The following CHM variants were observed in gnomAD, a reference collection of about 807,000 sequenced individuals.
CHM encodes rab proteins geranylgeranyltransferase component A 1.
Under a neutral mutation model 49.0 loss-of-function variants are expected in CHM, and 10 were observed. That is an observed-to-expected ratio of 0.20 (90% CI 0.13 to 0.35). The LOEUF is 0.35. Among genes scored for constraint, CHM ranks in the 10% least tolerant of loss-of-function variants. CHM has a pLI of 1.00. For missense variants in CHM, 455 were observed against 478.4 expected, an observed-to-expected ratio of 0.95 and a Z score of 0.46; for synonymous variants, 184 against 167.5, an observed-to-expected ratio of 1.10 and a Z score of -0.76.
rs1928314775 is a variant in CHM, at chrX:85,929,819, A to G, written c.1167-18481T>C. Among the ~76,000 whole-genome samples, 3 of 111,903 alleles carry G rather than the reference A, an allele frequency of 2.7e-5. No homozygotes were observed. The South Asian group carries it at 1.1e-3, about 42-fold the overall frequency. On this transcript the variant is annotated intron_variant, in intron 8 of 14. Coordinates refer to ENST00000357749, the MANE Select transcript of CHM (RefSeq NM_000390.4). ...GTCTTTGGTAAGAAATTCCATAACC[A>G]GGCCAGGTGTGGTGGCTCATGCCTG...
chrX:85,989,837 A>G (rs1181899395), intron 2 of CHM, among the ~76,000 whole-genome samples: 1 of 111,904 alleles, frequency 8.9e-6, no homozygotes, highest in African/African-American at 3.2e-5. Flanking sequence ...AAAAGTGAAA[A>G]AATAACAGAT....
intron 2 of CHM, among the ~76,000 whole-genome samples, chrX:86,020,887 GAT>G (rs1293516432): frequency 1.0e-5 from 1 of 99,004 alleles, no homozygotes; most frequent in South Asian, 4.4e-4. Flanking sequence ...ATATATATCT[GAT>G]ATATATGATA....
intron 4 of CHM, among the ~76,000 whole-genome samples, chrX:85,964,363 A>T (rs1930466866): frequency 1.8e-5 from 2 of 110,427 alleles, no homozygotes; most frequent in South Asian, 4.0e-4. Context: ...AGCTCTGCGA[A>T]CTTAGATACT....
chrX:85,935,855 G>A (rs113011188), intron 8 of CHM, among the ~76,000 whole-genome samples: 1,577 of 111,969 alleles, frequency 0.014, 37 homozygotes, highest in African/African-American at 0.049. Flanking sequence ...ATAAAAACGA[G>A]GAAGAGTAAA....
At chrX:85,979,778 T>C (rs193147053) in intron 3 of CHM, among the ~76,000 whole-genome samples, 88 of 112,197 alleles carry the variant, frequency 7.8e-4, no homozygotes, top group African/African-American at 2.4e-3. Context: ...ACTTTTAAAC[T>C]TACAAATGTC....
At chrX:85,913,778 G>A (rs1266968661) in intron 8 of CHM, among the ~76,000 whole-genome samples, 1 of 110,618 alleles carries the variant, frequency 9.0e-6, no homozygotes, top group Non-Finnish European at 1.9e-5. Flanking sequence ...ATGGAACCTT[G>A]AAAAAATGAT....
At chrX:85,949,978 A>AATATATATATATATAT (rs200318878) in intron 8 of CHM, among the ~76,000 whole-genome samples, 2,097 of 42,118 alleles carry the variant, frequency 0.05, 200 homozygotes, top group Non-Finnish European at 0.066. Context: ...ACTGAAATTA[A>AATATATATATATATAT]ATATATATAT....
intron 12 of CHM, among the ~76,000 whole-genome samples, chrX:85,881,388 A>G (rs1375268970): frequency 8.9e-6 from 1 of 112,645 alleles, no homozygotes; most frequent in Non-Finnish European, 1.9e-5. Context: ...GAGAATATCT[A>G]GAGTTGACTG....
intron 2 of CHM, among the ~76,000 whole-genome samples, chrX:86,004,501 G>A (rs1050712150): frequency 5.4e-5 from 6 of 111,650 alleles, no homozygotes; most frequent in Non-Finnish European, 9.4e-5. Flanking sequence ...TCAGTGTGCT[G>A]TATTCAGAAG....
At chrX:86,008,070 T>C (rs1280758522) in intron 2 of CHM, among the ~76,000 whole-genome samples, 2 of 111,872 alleles carry the variant, frequency 1.8e-5, no homozygotes, top group African/African-American at 6.5e-5. Flanking sequence ...TGGAATACTA[T>C]GCAGCCATAA....
intron 1 of CHM, among the ~76,000 whole-genome samples, chrX:86,030,226 T>A (rs1933986262): frequency 8.9e-6 from 1 of 112,623 alleles, no homozygotes; most frequent in Admixed American, 9.4e-5. Flanking sequence ...CCAAAATGAC[T>A]ATCATTTGTG....
chrX:86,037,338 A>C (rs1200624908), intron 1 of CHM, among the ~76,000 whole-genome samples: 1 of 109,918 alleles, frequency 9.1e-6, no homozygotes, highest in African/African-American at 3.3e-5. Flanking sequence ...GCTGGTCTTG[A>C]ACTCCTGACC....
chrX:85,951,307 T>C (rs1241105949), intron 8 of CHM, among the ~76,000 whole-genome samples: 1 of 110,585 alleles, frequency 9.0e-6, no homozygotes, highest in African/African-American at 3.3e-5. Context: ...TACAACTGAA[T>C]AAAAAAATCC....
rs183065657 is a variant in CHM at position 85,954,073 on chromosome X, C to A, written c.1166+2080G>T. On this transcript the variant is annotated intron_variant, in intron 8 of 14. Transcript: ENST00000357749. ...TATATAAGTAGCTCAAACAACTCTA[C>A]AGGAAAAAAATCTAATGATATGACT... Among the ~76,000 whole-genome samples the A allele has an allele frequency of 2.2e-4, 24 of 111,621 alleles. 1 individual carries two copies. In the East Asian group the frequency reaches 6.2e-3, roughly 29 times the overall value.
intron 9 of CHM, among the ~76,000 whole-genome samples, chrX:85,905,246 T>A (rs1318212790): frequency 3.6e-5 from 4 of 111,185 alleles, no homozygotes; most frequent in African/African-American, 1.3e-4. Context: ...AACATTTTGA[T>A]TCCGCTTTAT....
intron 12 of CHM, among the ~76,000 whole-genome samples, chrX:85,880,850 T>C (rs1272228133): frequency 2.7e-5 from 3 of 111,707 alleles, no homozygotes; most frequent in Non-Finnish European, 5.7e-5. Context: ...AAATTTAAGG[T>C]ATGAATAACT....
At chrX:86,039,933 C>T (rs1934397395) in intron 1 of CHM, among the ~76,000 whole-genome samples, 1 of 111,824 alleles carries the variant, frequency 8.9e-6, no homozygotes, top group African/African-American at 3.3e-5. Flanking sequence ...TTGCAGCTCC[C>T]CTTCCCACTA....
chrX:85,935,863 A>G (rs1382705520), intron 8 of CHM, among the ~76,000 whole-genome samples: 1 of 112,504 alleles, frequency 8.9e-6, no homozygotes, highest in African/African-American at 3.2e-5. Context: ...GAGGAAGAGT[A>G]AAAGCTACAT....
rs956809704 is a variant in CHM, at chrX:85,956,097, ATC to A, written c.1166+54_1166+55del. 17 of 1,013,555 alleles carry A rather than the reference ATC, an allele frequency of 1.7e-5. No individual in the cohort carries two copies. The African/African-American group carries it at 3.2e-4, about 19-fold the overall frequency. The allele number at this position is 1,013,555 out of a possible 1,213,427, so 83.5% of individuals were successfully genotyped here. On this transcript the variant is annotated intron_variant, in intron 8 of 14. Coordinates refer to ENST00000357749, the MANE Select transcript of CHM (RefSeq NM_000390.4). Reference sequence around the variant, plus strand: ...TCTCATTTTTGCCTGCCTAATTTTCATCTGTTATTCAAGTATCACTTTTAGAA... The same window carrying A: ...TCTCATTTTTGCCTGCCTAATTTTCATGTTATTCAAGTATCACTTTTAGAA...
Sources: gnomAD v4.1 joint callset for allele counts (sites outside exome capture counted in the v4.1 genomes callset) on GRCh38, gnomAD v4.1.1 for gene constraint, MANE v1.5 for transcripts, NCBI Gene and HGNC (gene_info 2026-07-23, HGNC 2026-07-21) for gene names.